The following INAVA variants were observed in gnomAD, a reference collection of about 807,000 sequenced individuals.
INAVA encodes innate immunity activator protein.
A neutral mutation model predicts 55.3 loss-of-function variants in INAVA; 32 were observed. The ratio of observed to expected loss-of-function variants is 0.58; its 90% confidence interval spans 0.44 to 0.78. The LOEUF is 0.78. Among genes scored for constraint, INAVA ranks in the 30% least tolerant of loss-of-function variants. INAVA has a pLI of 0.00. For missense variants in INAVA, 756 were observed against 786.4 expected, an observed-to-expected ratio of 0.96 and a Z score of 0.46; for synonymous variants, 294 against 329.4, an observed-to-expected ratio of 0.89 and a Z score of 1.16.
Position 200,908,915 on chromosome 1 carries a change from T to C in INAVA, c.760T>C (p.Ser254Pro), listed in dbSNP as rs770340485. Residue 254 changes from serine to proline, a missense_variant, in exon 7 of 10, where the codon TCT (serine) becomes CCT (proline). Ser to Pro is a moderately conservative substitution (Grantham distance 74). Around this residue, in one of 2 missense-constraint regions of INAVA, gnomAD observed 639 missense variants for 624.3 expected, o/e 1.02. Transcript: ENST00000413687. Reference protein sequence around the residue: ...LDHPYEKPRKSSEPWSESSSP... With the variant: ...LDHPYEKPRKPSEPWSESSSP... ...CCACCCCTATGAGAAGCCCAGGAAG[T>C]CTTCTGAGCCCTGGAGCGAGTCCAG... is the stretch of plus-strand genomic sequence containing the variant. 1 of 1,612,958 alleles carries C rather than the reference T, an allele frequency of 6.2e-7. No individual in the cohort carries two copies. Among genetic ancestry groups the C allele is most frequent in the South Asian group, 1.1e-5 (1 of 91,008 alleles).
chr1:200,909,318 C>T lies in INAVA; in HGVS notation c.880C>T (p.Pro294Ser), dbSNP rs1238665291. ...SYHVVPIRGV[P>S]GQWQGRTSAP... ...CCACGTGGTTCCCATCCGTGGTGTT[C>T]CTGGCCAGTGGCAGGGCCGCACCAG... The change falls in exon 8 of 10, where the codon CCT (proline) becomes TCT (serine). Residue 294 changes from proline to serine, a missense_variant. Physicochemically the swap from Pro to Ser is moderately conservative, Grantham distance 74. This residue lies in a region of INAVA where 639 missense variants were observed against 624.3 expected (regional missense o/e 1.02). Coordinates refer to ENST00000413687, the MANE Select transcript of INAVA (RefSeq NM_001142569.3). 15 of 1,612,164 alleles carry T rather than the reference C, an allele frequency of 9.3e-6. No individual in the cohort carries two copies. The highest frequency in any genetic ancestry group is 1.2e-5 in the Non-Finnish European group (14 of 1,179,176).
chr1:200,902,165 C>T (rs1440145078), intron 5 of INAVA, among the ~76,000 whole-genome samples: 1 of 152,222 alleles, frequency 6.6e-6, no homozygotes, highest in Non-Finnish European at 1.5e-5. Flanking sequence ...CCTTCATTCA[C>T]ATTCTCAGGC....
Position 200,913,871 on chromosome 1 carries a change from A to G in INAVA, c.*242A>G, listed in dbSNP as rs1302351454. Reference sequence around the variant, plus strand: ...TGTTTTATCCCCCAGAGTTTGGCCTACTGGACTTAAGGCCTTGCCTGTCTG... The same window carrying G: ...TGTTTTATCCCCCAGAGTTTGGCCTGCTGGACTTAAGGCCTTGCCTGTCTG... On this transcript the variant is annotated 3_prime_UTR_variant, in exon 10 of 10. Transcript: ENST00000413687. The G allele has an allele frequency of 2.4e-5, 12 of 494,904 alleles. No homozygotes were observed. In the East Asian group the frequency reaches 4.1e-4, roughly 17 times the overall value. 30.7% of individuals were successfully genotyped at this position (494,904 alleles called of 1,614,324 possible). A position where few individuals can be genotyped will look rare whatever the true frequency, so the allele number is the denominator to read the frequency against.
rs1351833095 is a variant in INAVA, at chr1:200,911,988, G to A, written c.1495G>A (p.Ala499Thr). ...SPAGRGLSKA[A>T]VSEELKWWHE... is the part of the protein sequence containing the mutation. The stretch of plus-strand genomic sequence containing the variant: ...GGCAGGCCGGGGGCTCAGCAAGGCC[G>A]CCGTGTCCGAGGAGCTCAAGTGGTG... Residue 499 changes from alanine to threonine, a missense_variant, in exon 9 of 10, where the codon GCC becomes ACC. By Grantham distance (58) the Ala-to-Thr change is moderately conservative (BLOSUM62 0). Around this residue, in one of 2 missense-constraint regions of INAVA, gnomAD observed 117 missense variants for 162.1 expected, o/e 0.72. Transcript: ENST00000413687. 6.5e-6 allele frequency: 10 copies of A among 1,530,030 alleles called. No homozygotes were observed. In the Admixed American group the frequency reaches 1.4e-4, roughly 21 times the overall value. 94.8% of individuals were successfully genotyped at this position (1,530,030 alleles called of 1,614,324 possible).
At chr1:200,900,021 A>G (rs1653169402) in intron 3 of INAVA, 83 bp from the exon 4 acceptor site, 2 of 1,165,962 alleles carry the variant, frequency 1.7e-6, no homozygotes, top group East Asian at 5.1e-5. Flanking sequence ...CTTCTATGGA[A>G]GGCAGGCACA....
In INAVA at chr1:200,895,095, CG is replaced by C. The variant is rs1668314809; in HGVS notation, c.-95+13del. On this transcript the variant is annotated intron_variant, in intron 1 of 9. Transcript: ENST00000413687. ...ACTAAAGCCCAGAAGCAGGTGAGGG[CG>C]GGGGAGGTGGAATGGGTCTTTGGGG... 2 of 985,494 alleles carry C rather than the reference CG, an allele frequency of 2.0e-6. No individual in the cohort carries two copies. Among genetic ancestry groups the C allele is most frequent in the East Asian group, 1.1e-4 (1 of 8,808 alleles). 61.0% of individuals were successfully genotyped at this position (985,494 alleles called of 1,614,324 possible).
intron 1 of INAVA, among the ~76,000 whole-genome samples, chr1:200,896,313 A>G (rs1668350366): frequency 8.6e-6 from 1 of 116,544 alleles, no homozygotes; most frequent in African/African-American, 3.3e-5. Flanking sequence ...CTCTGGCTGC[A>G]CCCTGCTCTT....
chr1:200,901,183 G>T (rs1236846518), intron 5 of INAVA, 24 bp downstream of exon 5: 8 of 1,477,948 alleles, frequency 5.4e-6, no homozygotes, highest in Non-Finnish European at 7.2e-6. Context: ...CCTGAGGGGG[G>T]CCATGCTCCT....
At position 200,908,846 on chromosome 1, in the gene INAVA, C is replaced by T. The variant is rs200620097; in HGVS notation, c.691C>T (p.Arg231Trp). 1.7e-4 allele frequency: 277 copies of T among 1,614,004 alleles called. No individual in the cohort carries two copies. Among genetic ancestry groups the T allele is most frequent in the East Asian group, 1.7e-3 (75 of 44,866 alleles). ...PTGPEAGSPERAPVQNSPWKE... is the reference protein window; with the variant it reads ...PTGPEAGSPEWAPVQNSPWKE... ...AGGACCTGAGGCTGGGAGCCCAGAA[C>T]GGGCTCCAGTCCAGAACAGCCCCTG... The change falls in exon 7 of 10, where the codon CGG becomes TGG. Residue 231 changes from arginine (R) to tryptophan (W), a missense_variant. Physicochemically the swap from Arg to Trp is moderately radical, Grantham distance 101. Around this residue, in one of 2 missense-constraint regions of INAVA, gnomAD observed 639 missense variants for 624.3 expected, o/e 1.02. Transcript: ENST00000413687.
chr1:200,900,279 G>A (rs1050744285), intron 4 of INAVA, 59 bp downstream of exon 4: 61 of 1,453,252 alleles, frequency 4.2e-5, no homozygotes, highest in East Asian at 4.6e-5. Context: ...TCACTGAGAC[G>A]CCACACCTCA....
intron 7 of INAVA, 117 bp from the exon 8 acceptor site, chr1:200,909,107 G>A: frequency 7.5e-7 from 1 of 1,334,512 alleles, no homozygotes; most frequent in Admixed American, 2.5e-5. Flanking sequence ...CAAGGGTGCT[G>A]GCAGTTTGCC....
At chr1:200,903,870 C>T (rs1355416902) in intron 5 of INAVA, among the ~76,000 whole-genome samples, 1 of 151,768 alleles carries the variant, frequency 6.6e-6, no homozygotes, top group Non-Finnish European at 1.5e-5. Flanking sequence ...AACCACCCTG[C>T]CCCCTTGGGC....
In INAVA at chr1:200,899,556, G is replaced by A; in HGVS notation, c.139G>A (p.Ala47Thr). The change falls in exon 3 of 10, where the codon GCC becomes ACC. Residue 47 changes from alanine (A) to threonine (T), a missense_variant. Transcript: ENST00000413687. ...GAGGGCCCTGGAAGCGAGGCTGGAG[G>A]CCTGCCTGGAGGAGCTGAGGAGACT... ...QQRALEARLE[A>T]CLEELRRLCL... is the part of the protein sequence containing the mutation. The A allele has an allele frequency of 6.2e-7, 1 of 1,613,416 alleles. No individual in the cohort carries two copies. The highest frequency in any genetic ancestry group is 2.2e-5 in the East Asian group (1 of 44,848).
upstream of INAVA, among the ~76,000 whole-genome samples, chr1:200,894,185 G>A (rs553330403): frequency 2.0e-5 from 3 of 152,220 alleles, no homozygotes; most frequent in Non-Finnish European, 2.9e-5. Context: ...TAGGGTCTGG[G>A]GTCACAGTGG....
At chr1:200,901,397 A>G (rs573169657) in intron 5 of INAVA, among the ~76,000 whole-genome samples, 56 of 152,264 alleles carry the variant, frequency 3.7e-4, no homozygotes, top group African/African-American at 1.2e-3. Flanking sequence ...ATCCTCCTCA[A>G]AATACACTAC....
intron 9 of INAVA, among the ~76,000 whole-genome samples, 175 bp downstream of exon 9, chr1:200,912,312 G>A (rs540844030): frequency 6.6e-6 from 1 of 152,316 alleles, no homozygotes; most frequent in African/African-American, 2.4e-5. Context: ...GCTTTGGAAG[G>A]CACTCTTGGC....
At chr1:200,904,090 ATTTT>A (rs774833894) in intron 5 of INAVA, among the ~76,000 whole-genome samples, 1 of 138,648 alleles carries the variant, frequency 7.2e-6, no homozygotes, top group Admixed American at 7.2e-5. Context: ...TCCTCATAAC[ATTTT>A]TTTTTTTTTT....
At chr1:200,903,230 A>C (rs1653338696) in intron 5 of INAVA, 1 of 152,316 alleles carries the variant, frequency 6.6e-6, no homozygotes, top group Non-Finnish European at 1.5e-5. Flanking sequence ...TCATGCCTGT[A>C]ATCCCAATAC....
intron 8 of INAVA, among the ~76,000 whole-genome samples, chr1:200,909,784 C>T (rs1040978862): frequency 4.6e-5 from 7 of 152,136 alleles, no homozygotes; most frequent in East Asian, 1.9e-4. Flanking sequence ...GTAAAATTGA[C>T]GCAAATCCTG....
Sources: gnomAD v4.1 joint callset for allele counts (sites outside exome capture counted in the v4.1 genomes callset) on GRCh38, gnomAD v4.1.1 for gene constraint, gnomAD v4.1.1 regional missense constraint, MANE v1.5 for transcripts, NCBI Gene and HGNC (gene_info 2026-07-23, HGNC 2026-07-21) for gene names.